The following SYTL2 variants were observed in gnomAD, a reference collection of about 807,000 sequenced individuals.
SYTL2 encodes synaptotagmin like 2, also known as synaptotagmin-like protein 2.
SYTL2 carries 165 observed loss-of-function variants against 198.7 expected under a neutral mutation model. That is an observed-to-expected ratio of 0.83 (90% CI 0.73 to 0.94). The LOEUF (loss-of-function observed/expected upper bound fraction) is 0.94. SYTL2 is among the 40% of genes least tolerant of loss of function. The probability of loss-of-function intolerance (pLI) is 0.00; values close to 1 mark genes in which losing one functional copy is unlikely to be tolerated. For missense variants in SYTL2, 2,835 were observed against 2,582.8 expected, an observed-to-expected ratio of 1.10 and a Z score of -2.12; for synonymous variants, 966 against 917.7, an observed-to-expected ratio of 1.05 and a Z score of -0.95.
At chr11:85,831,045 G>T in the SYTL2 span, among the ~76,000 whole-genome samples, 1 of 152,164 alleles carries the variant, frequency 6.6e-6, no homozygotes, top group African/African-American at 2.4e-5. Flanking sequence ...GGGTCTTTGG[G>T]CTGGCTAACC....
chr11:85,777,970 C>T (rs1376356706), intron 1 of SYTL2, among the ~76,000 whole-genome samples: 1 of 151,894 alleles, frequency 6.6e-6, no homozygotes, highest in Non-Finnish European at 1.5e-5. Context: ...CAGGTGCCCA[C>T]CACCATGCAG....
At chr11:85,810,029 G>C (rs887704327) in intron 1 of SYTL2, among the ~76,000 whole-genome samples, 11 of 152,200 alleles carry the variant, frequency 7.2e-5, no homozygotes, top group Non-Finnish European at 1.6e-4. Context: ...ACAAGGGGAC[G>C]GGAAGCTGGA....
At chr11:85,829,683 T>C in the SYTL2 span, among the ~76,000 whole-genome samples, 68 of 152,326 alleles carry the variant, frequency 4.5e-4, no homozygotes, top group Admixed American at 4.4e-3. Context: ...TGTATAAGTG[T>C]TTCCTTTTCT....
chr11:85,707,320 C>T (rs2085334343), intron 15 of SYTL2, 109 bp downstream of exon 15: 1 of 717,788 alleles, frequency 1.4e-6, no homozygotes, highest in Non-Finnish European at 2.4e-6. Flanking sequence ...GTATTCCCTT[C>T]CTTCTCCTCT....
chr11:85,839,430 C>T, the SYTL2 span, among the ~76,000 whole-genome samples: 1 of 152,104 alleles, frequency 6.6e-6, no homozygotes, highest in East Asian at 1.9e-4. Context: ...AGGATAGTTA[C>T]CAGAGGATGG....
chr11:85,840,923 A>G, the SYTL2 span, among the ~76,000 whole-genome samples: 1 of 152,186 alleles, frequency 6.6e-6, no homozygotes, highest in Non-Finnish European at 1.5e-5. Flanking sequence ...ATGGGAGAAA[A>G]TATTTTCAAA....
intron 14 of SYTL2, among the ~76,000 whole-genome samples, chr11:85,708,622 T>C (rs2085639357): frequency 6.6e-6 from 1 of 152,122 alleles, no homozygotes; most frequent in Non-Finnish European, 1.5e-5. Context: ...CTTTATGAAG[T>C]GTGTCCCATG....
At chr11:85,733,330 T>A (rs995071326) in intron 7 of SYTL2, among the ~76,000 whole-genome samples, 7 of 152,320 alleles carry the variant, frequency 4.6e-5, no homozygotes, top group Non-Finnish European at 4.4e-5. Context: ...TATTCCACCT[T>A]GATTTAACTA....
intron 10 of SYTL2, 147 bp from the exon 11 acceptor site, chr11:85,717,677 T>G (rs751724244): frequency 5.5e-6 from 4 of 723,006 alleles, no homozygotes; most frequent in Non-Finnish European, 1.0e-5. Flanking sequence ...CATTCCTCAC[T>G]GTGACTCTTC....
In SYTL2 at chr11:85,797,109, C is replaced by T. The variant is rs534232175; in HGVS notation, c.-390+13845G>A. Among the ~76,000 whole-genome samples the T allele has an allele frequency of 2.0e-5, 3 of 152,196 alleles. No homozygotes were observed. In the East Asian group the frequency reaches 5.8e-4, roughly 29 times the overall value. ...AGAAGGCTGAGGCAGGAGGATTGCTCGAGCCCAGGAGGTCAAGGCTGAATA... is the reference window on the plus strand; with the variant it reads ...AGAAGGCTGAGGCAGGAGGATTGCTTGAGCCCAGGAGGTCAAGGCTGAATA... On this transcript the variant is annotated intron_variant, in intron 1 of 19. Coordinates refer to ENST00000359152, the MANE Select transcript of SYTL2 (RefSeq NM_206927.4).
intron 7 of SYTL2, among the ~76,000 whole-genome samples, chr11:85,729,775 C>G (rs1008059469): frequency 6.6e-6 from 1 of 152,094 alleles, no homozygotes; most frequent in Non-Finnish European, 1.5e-5. Flanking sequence ...ACACAAAAAA[C>G]CCTTCAAAAA....
intron 1 of SYTL2, among the ~76,000 whole-genome samples, chr11:85,777,467 C>G (rs1483740106): frequency 6.6e-6 from 1 of 152,156 alleles, no homozygotes; most frequent in East Asian, 1.9e-4. Context: ...GCTACCAACA[C>G]TCAAGAATGT....
At chr11:85,705,240 T>C in intron 15 of SYTL2, 1 of 436,812 alleles carries the variant, frequency 2.3e-6, no homozygotes, top group Non-Finnish European at 4.1e-6. Flanking sequence ...GCTTCCCCAC[T>C]CTGGAAAAGC....
At chr11:85,791,342 T>C (rs781198946) in intron 1 of SYTL2, among the ~76,000 whole-genome samples, 3 of 152,090 alleles carry the variant, frequency 2.0e-5, no homozygotes, top group African/African-American at 4.8e-5. Flanking sequence ...TACAGCACCT[T>C]AGCAACTAGC....
At chr11:85,817,636 G>A in the SYTL2 span, among the ~76,000 whole-genome samples, 2 of 152,056 alleles carry the variant, frequency 1.3e-5, no homozygotes, top group Non-Finnish European at 2.9e-5. Context: ...TTTCCCACTT[G>A]GGAGAAGAGG....
At chr11:85,698,110 T>G (rs768722743) in intron 17 of SYTL2, 32 bp from the exon 18 acceptor site, 1 of 1,475,362 alleles carries the variant, frequency 6.8e-7, no homozygotes, top group Admixed American at 1.7e-5. Flanking sequence ...AAATTTTCAC[T>G]GCCAGTTCTC....
rs961891876 is a variant in SYTL2 at position 85,694,998 on chromosome 11, AT to A, written c.*196del. 4.7e-6 allele frequency: 2 copies of A among 423,650 alleles called. No individual in the cohort carries two copies. Among genetic ancestry groups the A allele is most frequent in the African/African-American group, 4.1e-5 (2 of 49,194 alleles). The allele number at this position is 423,650 out of a possible 1,614,324, so 26.2% of individuals were successfully genotyped here. Reference sequence around the variant, plus strand: ...ATCTTATTTAATATTAGAGTCACAAATTACACATTTTGTTATATTTAAATCC... The same window carrying A: ...ATCTTATTTAATATTAGAGTCACAAATACACATTTTGTTATATTTAAATCC... On this transcript the variant is annotated 3_prime_UTR_variant, in exon 20 of 20. Coordinates refer to ENST00000359152, the MANE Select transcript of SYTL2 (RefSeq NM_206927.4).
chr11:85,695,080 T>A lies in SYTL2; in HGVS notation c.*115A>T. ...AGATTGACTTTTACATGCTGTGTAGTATTCCTTAGGTGCAATAGATAGAAA... is the reference window on the plus strand; with the variant it reads ...AGATTGACTTTTACATGCTGTGTAGAATTCCTTAGGTGCAATAGATAGAAA... On this transcript the variant is annotated 3_prime_UTR_variant, in exon 20 of 20. Transcript: ENST00000359152. 9.2e-7 allele frequency: 1 copy of A among 1,092,670 alleles called. No homozygotes were observed. The highest frequency in any genetic ancestry group is 2.2e-4 in the Middle Eastern group (1 of 4,638). The allele number at this position is 1,092,670 out of a possible 1,614,324, so 67.7% of individuals were successfully genotyped here. A position where few individuals can be genotyped will look rare whatever the true frequency, so the allele number is the denominator to read the frequency against.
At chr11:85,777,812 CTT>C (rs57873368) in intron 1 of SYTL2, among the ~76,000 whole-genome samples, 1,165 of 63,262 alleles carry the variant, frequency 0.018, 6 homozygotes, top group Middle Eastern at 0.095. Context: ...GGTCTTACTT[CTT>C]TTTTTTTTTT....
Sources: allele counts gnomAD v4.1 joint callset (sites outside exome capture counted in the v4.1 genomes callset), GRCh38; gene constraint gnomAD v4.1.1; transcripts MANE v1.5; gene names NCBI Gene and HGNC (gene_info 2026-07-23, HGNC 2026-07-21).